EPHB3: variants seen among roughly 807,000 people sequenced by gnomAD.
The protein encoded by EPHB3 is ephrin type-B receptor 3.
A neutral mutation model predicts 100.2 loss-of-function variants in EPHB3; 33 were observed. The observed-to-expected ratio is 0.33, with a 90% confidence interval of 0.25 to 0.44. The LOEUF is 0.44. Among genes scored for constraint, EPHB3 ranks in the 20% least tolerant of loss-of-function variants. EPHB3 has a pLI of 1.00. For synonymous variants in EPHB3, 526 were observed against 554.7 expected, an observed-to-expected ratio of 0.95 and a Z score of 0.73; for missense variants, 1,045 against 1,378.3, an observed-to-expected ratio of 0.76 and a Z score of 3.83.
In EPHB3 at chr3:184,579,341, T is replaced by C. The variant is rs6771138; in HGVS notation, c.1802-136T>C. 0.32 allele frequency: 429,540 copies of C among 1,330,940 alleles called. 72,848 individuals are homozygous for C. Among genetic ancestry groups the C allele is most frequent in the African/African-American group, 0.54 (36,801 of 68,192 alleles). 82.4% of individuals were successfully genotyped at this position (1,330,940 alleles called of 1,614,324 possible). ...CCTTTATGGTCACCAGGAGTTCTCA[T>C]GGGAGCTGGAGGATTAGGGCAGCAA... is the stretch of plus-strand genomic sequence containing the variant. On this transcript the variant is annotated intron_variant, in intron 9 of 15. Coordinates refer to ENST00000330394, the MANE Select transcript of EPHB3 (RefSeq NM_004443.4). The surrounding 1 kb of genome is among the most constrained non-coding windows in gnomAD (Gnocchi z 5.2).
intron 4 of EPHB3, 35 bp downstream of exon 4, chr3:184,576,020 G>A: frequency 6.4e-7 from 1 of 1,570,102 alleles, no homozygotes; most frequent in Non-Finnish European, 8.7e-7. Flanking sequence ...TCCCTCTGCA[G>A]GCCTTCCCTC....
At chr3:184,568,953 C>G (rs967481593) in intron 1 of EPHB3, among the ~76,000 whole-genome samples, 2 of 152,132 alleles carry the variant, frequency 1.3e-5, no homozygotes, top group African/African-American at 2.4e-5. Context: ...CCCTCGCTCC[C>G]TCCCTCCTTC....
rs1158239538 is a variant in EPHB3, at chr3:184,569,849, T to C, written c.119-1469T>C. Among the ~76,000 whole-genome samples the C allele has an allele frequency of 6.6e-6, 1 of 152,252 alleles. No individual in the cohort carries two copies. Among genetic ancestry groups the C allele is most frequent in the Non-Finnish European group, 1.5e-5 (1 of 68,044 alleles). On this transcript the variant is annotated intron_variant, in intron 1 of 15. Coordinates refer to ENST00000330394, the MANE Select transcript of EPHB3 (RefSeq NM_004443.4). This position sits in a 1 kb window ranked among gnomAD's most constrained non-coding sequence, Gnocchi z 5.4. The stretch of plus-strand genomic sequence containing the variant: ...ACTTGGGCACCCAGAGGGGATGATG[T>C]AGAGGCCTCCAGAGGTCCTGGGGCA...
Position 184,562,191 on chromosome 3 carries a change from C to A in EPHB3, c.-45C>A, listed in dbSNP as rs1714269956. ...GGTGCCTGCAGCCCCGCCGGCGCGG[C>A]CCGGCCCGGCGCGGCCCGGCTCGGC... is the stretch of plus-strand genomic sequence containing the variant. On this transcript the variant is annotated 5_prime_UTR_variant, in exon 1 of 16. Transcript: ENST00000330394. This position sits in a 1 kb window ranked among gnomAD's most constrained non-coding sequence, Gnocchi z 4.8. The A allele has an allele frequency of 4.7e-6, 2 of 422,952 alleles. No individual in the cohort carries two copies. The highest frequency in any genetic ancestry group is 4.3e-5 in the African/African-American group (2 of 46,502). 26.2% of individuals were successfully genotyped at this position (422,952 alleles called of 1,614,324 possible).
In EPHB3 at chr3:184,581,689, T is replaced by C. The variant is rs1560066136; in HGVS notation, c.*67T>C. 1.5e-5 allele frequency: 22 copies of C among 1,431,490 alleles called. No homozygotes were observed. Among genetic ancestry groups the C allele is most frequent in the Non-Finnish European group, 2.0e-5 (22 of 1,074,068 alleles). 88.7% of individuals were successfully genotyped at this position (1,431,490 alleles called of 1,614,324 possible). On this transcript the variant is annotated 3_prime_UTR_variant, in exon 16 of 16. Transcript: ENST00000330394. ...CAAGCAGCCGGCTGGACTTTCGGAC[T>C]CTTGGACTTTTGGATGCCTGGCCTT... is the stretch of plus-strand genomic sequence containing the variant.
rs13100244 is a variant in EPHB3, at chr3:184,569,207, C to T, written c.119-2111C>T. 4.4e-3 allele frequency among the ~76,000 whole-genome samples: 669 copies of T among 151,516 alleles called. 4 individuals carry two copies. The highest frequency in any genetic ancestry group is 0.025 in the South Asian group (121 of 4,786). On this transcript the variant is annotated intron_variant, in intron 1 of 15. Transcript: ENST00000330394. The surrounding 1 kb of genome is among the most constrained non-coding windows in gnomAD (Gnocchi z 5.4). ...CCGGCGGGCGGACCGGCGGGCGGAC[C>T]GGCGGGAGGACTGGCTGCGGGGGCA...
Position 184,579,832 on chromosome 3 carries a change from T to A in EPHB3, c.2070T>A (p.Asp690Glu). Residue 690 changes from aspartate to glutamate, a missense_variant, in exon 11 of 16, where the codon GAT (aspartate) becomes GAA (glutamate). Asp to Glu is a conservative substitution (Grantham distance 45, BLOSUM62 2). Coordinates refer to ENST00000330394, the MANE Select transcript of EPHB3 (RefSeq NM_004443.4). This position sits in a 1 kb window ranked among gnomAD's most constrained non-coding sequence, Gnocchi z 5.2. ...AGGCCTCCATCATGGGTCAGTTTGA[T>A]CACCCCAATATAATCCGGCTCGAGG... Reference protein sequence around the residue: ...LSEASIMGQFDHPNIIRLEGV... With the variant: ...LSEASIMGQFEHPNIIRLEGV... 1 of 1,612,788 alleles carries A rather than the reference T, an allele frequency of 6.2e-7. No individual in the cohort carries two copies. The highest frequency in any genetic ancestry group is 1.3e-5 in the African/African-American group (1 of 74,512).
intron 1 of EPHB3, among the ~76,000 whole-genome samples, chr3:184,568,655 G>A (rs913513892): frequency 6.6e-6 from 1 of 151,324 alleles, no homozygotes; most frequent in African/African-American, 2.4e-5. Flanking sequence ...CAGGGCTGAG[G>A]AGGGCCTTGC....
At chr3:184,564,732 G>A (rs964289336) in intron 1 of EPHB3, among the ~76,000 whole-genome samples, 10 of 152,230 alleles carry the variant, frequency 6.6e-5, no homozygotes, top group African/African-American at 2.4e-4. Context: ...AAGGAATGGG[G>A]AGAGAGCTGG....
rs1242784273 is a variant in EPHB3, at chr3:184,576,081, T to C, written c.1012+96T>C. ...GCAGTCACTATGAATAGCCCCATTT[T>C]CCAGGGAAGGAGCTGAGGCTCAGGG... On this transcript the variant is annotated intron_variant, in intron 4 of 15. Coordinates refer to ENST00000330394, the MANE Select transcript of EPHB3 (RefSeq NM_004443.4). The C allele has an allele frequency of 5.5e-6, 8 of 1,446,958 alleles. No homozygotes were observed. In the East Asian group the frequency reaches 2.1e-4, roughly 38 times the overall value. The allele number at this position is 1,446,958 out of a possible 1,614,324, so 89.6% of individuals were successfully genotyped here.
rs1320984187 is a variant in EPHB3 at position 184,573,466 on chromosome 3, G to A, written c.856+290G>A. 6.6e-6 allele frequency among the ~76,000 whole-genome samples: 1 copy of A among 152,242 alleles called. No homozygotes were observed. Among genetic ancestry groups the A allele is most frequent in the African/African-American group, 2.4e-5 (1 of 41,452 alleles). On this transcript the variant is annotated intron_variant, in intron 3 of 15. Coordinates refer to ENST00000330394, the MANE Select transcript of EPHB3 (RefSeq NM_004443.4). This position sits in a 1 kb window ranked among gnomAD's most constrained non-coding sequence, Gnocchi z 4.5. Reference sequence around the variant, plus strand: ...GGCAAGCAGGCACCTGGAGAACGCAGTCAGAAGCTTAGGAGGCTGGCAGAG... The same window carrying A: ...GGCAAGCAGGCACCTGGAGAACGCAATCAGAAGCTTAGGAGGCTGGCAGAG...
chr3:184,575,590 C>T (rs1714655043), intron 3 of EPHB3, among the ~76,000 whole-genome samples: 1 of 144,726 alleles, frequency 6.9e-6, no homozygotes, highest in Admixed American at 6.8e-5. Flanking sequence ...CCATGAGGCC[C>T]CGGGGTAGGG....
Position 184,563,223 on chromosome 3 carries a change from G to A in EPHB3, c.118+870G>A, listed in dbSNP as rs1271084416. On this transcript the variant is annotated intron_variant, in intron 1 of 15. Coordinates refer to ENST00000330394, the MANE Select transcript of EPHB3 (RefSeq NM_004443.4). This position sits in a 1 kb window ranked among gnomAD's most constrained non-coding sequence, Gnocchi z 4.1. Reference sequence around the variant, plus strand: ...TTGACACAAGCTTGCCGCGGACAGAGGCCCCAACACCAGCCACAAACAATA... The same window carrying A: ...TTGACACAAGCTTGCCGCGGACAGAAGCCCCAACACCAGCCACAAACAATA... Among the ~76,000 whole-genome samples, 1 of 152,156 alleles carries A rather than the reference G, an allele frequency of 6.6e-6. No homozygotes were observed. Among genetic ancestry groups the A allele is most frequent in the Non-Finnish European group, 1.5e-5 (1 of 68,030 alleles).
chr3:184,578,061 C>T lies in EPHB3; in HGVS notation c.1748+55C>T. 3 of 1,576,010 alleles carry T rather than the reference C, an allele frequency of 1.9e-6. No homozygotes were observed. The highest frequency in any genetic ancestry group is 1.7e-5 in the Admixed American group (1 of 58,358). On this transcript the variant is annotated intron_variant, in intron 8 of 15. Transcript: ENST00000330394. This position sits in a 1 kb window ranked among gnomAD's most constrained non-coding sequence, Gnocchi z 4.7. ...GCCGCCTCGAACTGCCCTTTAGCAT[C>T]CTAGAGCCCTCATGCCACAGAGATG... is the stretch of plus-strand genomic sequence containing the variant.
rs375569717 is a variant in EPHB3, at chr3:184,577,210, G to A, written c.1354+27G>A. On this transcript the variant is annotated intron_variant, in intron 5 of 15. Coordinates refer to ENST00000330394, the MANE Select transcript of EPHB3 (RefSeq NM_004443.4). The surrounding 1 kb of genome is among the most constrained non-coding windows in gnomAD (Gnocchi z 4.9). ...TGAGGAGGGGACACTGGAGGGTAGG[G>A]CCTGGGTCACTTTCTCCTGGATGAG... The A allele has an allele frequency of 5.3e-5, 84 of 1,576,648 alleles. No homozygotes were observed. In the African/African-American group the frequency reaches 1.1e-3, roughly 20 times the overall value.
rs1714691206 is a variant in EPHB3 at position 184,576,968 on chromosome 3, G to C, written c.1139G>C (p.Cys380Ser). 1.2e-6 allele frequency: 2 copies of C among 1,612,944 alleles called. No individual in the cohort carries two copies. Among genetic ancestry groups the C allele is most frequent in the Non-Finnish European group, 8.5e-7 (1 of 1,179,294 alleles). The change falls in exon 5 of 16, where the codon TGC becomes TCC. Residue 380 changes from cysteine (C) to serine (S), a missense_variant. Physicochemically the swap from Cys to Ser is moderately radical, Grantham distance 112. Transcript: ENST00000330394. ...CTGTACAATGTCATCTGCAAGAAGT[G>C]CCATGGGGCTGGAGGGGCCTCAGCC... ...DLLYNVICKK[C>S]HGAGGASACS...
chr3:184,578,171 G>A lies in EPHB3; in HGVS notation c.1748+165G>A, dbSNP rs1714729385. 6 of 885,434 alleles carry A rather than the reference G, an allele frequency of 6.8e-6. No individual in the cohort carries two copies. The Middle Eastern group carries it at 9.8e-4, about 145-fold the overall frequency. The allele number at this position is 885,434 out of a possible 1,614,324, so 54.8% of individuals were successfully genotyped here. ...GAGAAGCCCTCTCCCATCCCTGCCT[G>A]TGTCTTCATCCCGCCCTTTCTCCAT... On this transcript the variant is annotated intron_variant, in intron 8 of 15. Transcript: ENST00000330394. The surrounding 1 kb of genome is among the most constrained non-coding windows in gnomAD (Gnocchi z 4.7).
In EPHB3 at chr3:184,579,443, G is replaced by T; in HGVS notation, c.1802-34G>T. ...CATCGCAGGGAGAGGCTGGCTTGACGTTACCCTCTCACGCCCACCTCTTCT... is the reference window on the plus strand; with the variant it reads ...CATCGCAGGGAGAGGCTGGCTTGACTTTACCCTCTCACGCCCACCTCTTCT... On this transcript the variant is annotated intron_variant, in intron 9 of 15. Transcript: ENST00000330394. The surrounding 1 kb of genome is among the most constrained non-coding windows in gnomAD (Gnocchi z 5.2). 1 of 1,606,214 alleles carries T rather than the reference G, an allele frequency of 6.2e-7. No individual in the cohort carries two copies. Among genetic ancestry groups the T allele is most frequent in the Non-Finnish European group, 8.5e-7 (1 of 1,173,808 alleles).
At position 184,571,984 on chromosome 3, in the gene EPHB3, G is replaced by A. The variant is rs1057296845; in HGVS notation, c.184-520G>A. Among the ~76,000 whole-genome samples the A allele has an allele frequency of 2.0e-5, 3 of 152,152 alleles. No homozygotes were observed. The highest frequency in any genetic ancestry group is 4.4e-5 in the Non-Finnish European group (3 of 68,044). On this transcript the variant is annotated intron_variant, in intron 2 of 15. Coordinates refer to ENST00000330394, the MANE Select transcript of EPHB3 (RefSeq NM_004443.4). The surrounding 1 kb of genome is among the most constrained non-coding windows in gnomAD (Gnocchi z 5.0). ...AGCCTTGGCTTCCTCATCTCTAAAC[G>A]TCGGGACAACAGATGCGGCTCCTCA...
Sources: allele counts gnomAD v4.1 joint callset (sites outside exome capture counted in the v4.1 genomes callset), GRCh38; gene constraint gnomAD v4.1.1; non-coding constraint Gnocchi (gnomAD v3.1); transcripts MANE v1.5; gene names NCBI Gene and HGNC (gene_info 2026-07-23, HGNC 2026-07-21).